TNIK: variants seen among roughly 807,000 people sequenced by gnomAD.
The protein encoded by TNIK is TRAF2 and NCK-interacting protein kinase.
TNIK carries 49 observed loss-of-function variants against 191.3 expected under a neutral mutation model. The observed-to-expected ratio is 0.26, with a 90% confidence interval of 0.20 to 0.32. The LOEUF (loss-of-function observed/expected upper bound fraction) is 0.32. TNIK is among the 10% of genes least tolerant of loss of function. TNIK has a pLI of 1.00. For synonymous variants in TNIK, 594 were observed against 600.9 expected (o/e 0.99, Z 0.17); for missense variants, 1,155 against 1,702.3 (o/e 0.68, Z 5.66).
intron 2 of TNIK, among the ~76,000 whole-genome samples, chr3:171,304,164 T>C (rs1753168486): frequency 6.6e-6 from 1 of 151,502 alleles, no homozygotes; most frequent in South Asian, 2.1e-4. Context: ...CAGATGAGAG[T>C]TGACAAGTGG....
At chr3:171,208,662 A>G (rs1206982204) in intron 4 of TNIK, among the ~76,000 whole-genome samples, 2 of 151,940 alleles carry the variant, frequency 1.3e-5, no homozygotes, top group Middle Eastern at 3.2e-3. Flanking sequence ...AGTTCAAGCA[A>G]TTCTCCTGCC....
chr3:171,363,153 A>G (rs1341192267), intron 2 of TNIK, among the ~76,000 whole-genome samples: 1 of 152,154 alleles, frequency 6.6e-6, no homozygotes, highest in Non-Finnish European at 1.5e-5. Context: ...AGGCTGCTAT[A>G]TATCTTGCAA....
At chr3:171,118,178 C>G (rs1197840308) in intron 18 of TNIK, among the ~76,000 whole-genome samples, 3 of 152,124 alleles carry the variant, frequency 2.0e-5, no homozygotes, top group African/African-American at 7.2e-5. Flanking sequence ...TGAGTGAACT[C>G]CCATTCACAA....
intron 2 of TNIK, among the ~76,000 whole-genome samples, chr3:171,252,803 C>A (rs1030478826): frequency 6.6e-6 from 1 of 152,024 alleles, no homozygotes; most frequent in Non-Finnish European, 1.5e-5. Context: ...GCACTCGGTT[C>A]CTGGTGACAC....
chr3:171,426,157 A>G (rs1162469616), intron 1 of TNIK, among the ~76,000 whole-genome samples: 1 of 152,040 alleles, frequency 6.6e-6, no homozygotes, highest in East Asian at 1.9e-4. Flanking sequence ...AACCAACCCA[A>G]ATGTCCAACA....
intron 2 of TNIK, among the ~76,000 whole-genome samples, chr3:171,313,171 T>C (rs990492456): frequency 1.3e-5 from 2 of 152,308 alleles, no homozygotes; most frequent in Admixed American, 1.3e-4. Context: ...CCTCTAAGGA[T>C]TGCAGCTTGA....
At chr3:171,302,524 C>T (rs546650863) in intron 2 of TNIK, among the ~76,000 whole-genome samples, 54 of 152,264 alleles carry the variant, frequency 3.5e-4, no homozygotes, top group Middle Eastern at 3.4e-3. Context: ...GTACCTGTAT[C>T]CTTGCATTGG....
chr3:171,219,051 T>TA (rs1741879093), intron 3 of TNIK, among the ~76,000 whole-genome samples: 1 of 119,856 alleles, frequency 8.3e-6, no homozygotes, highest in African/African-American at 3.2e-5. Flanking sequence ...AAATTATATT[T>TA]AATATAATAT....
chr3:171,093,695 C>A (rs954932577), intron 23 of TNIK, 144 bp downstream of exon 23: 30 of 1,049,100 alleles, frequency 2.9e-5, no homozygotes, highest in Non-Finnish European at 3.8e-5. Context: ...TAAAATCACT[C>A]AACTATTTGG....
At chr3:171,101,704 T>C in intron 21 of TNIK, 71 bp from the exon 22 acceptor site, 1 of 1,490,768 alleles carries the variant, frequency 6.7e-7, no homozygotes. Context: ...AGCAAGTCAG[T>C]GCTCCAGCTT....
intron 1 of TNIK, among the ~76,000 whole-genome samples, chr3:171,412,538 G>A (rs1214246560): frequency 6.6e-6 from 1 of 152,178 alleles, no homozygotes; most frequent in African/African-American, 2.4e-5. Flanking sequence ...TGCCAGGTGA[G>A]TACTGCGACT....
chr3:171,228,657 A>G (rs1743238482), intron 2 of TNIK, among the ~76,000 whole-genome samples: 1 of 152,230 alleles, frequency 6.6e-6, no homozygotes, highest in Non-Finnish European at 1.5e-5. Context: ...TGATTCTGCT[A>G]TAATTCACCT....
intron 2 of TNIK, among the ~76,000 whole-genome samples, chr3:171,363,444 G>T (rs1022463037): frequency 1.3e-5 from 2 of 152,014 alleles, no homozygotes; most frequent in Non-Finnish European, 2.9e-5. Context: ...AAAGCACAGG[G>T]CTTTTTTCAT....
At position 171,318,676 on chromosome 3, in the gene TNIK, A is replaced by C. The variant is rs1002040437; in HGVS notation, c.123+50944T>G. On this transcript the variant is annotated intron_variant, in intron 2 of 32. Transcript: ENST00000436636. ...TTTTATCCTTTTGCCAAGATATCAA[A>C]ATTTTTTTAATTGAAAAAAAGCAAC... Among the ~76,000 whole-genome samples the C allele has an allele frequency of 2.0e-4, 31 of 152,240 alleles. 1 individual carries two copies. The highest frequency in any genetic ancestry group is 1.6e-3 in the Admixed American group (25 of 15,286).
chr3:171,099,314 C>G (rs981152934), intron 22 of TNIK, among the ~76,000 whole-genome samples: 2 of 151,966 alleles, frequency 1.3e-5, no homozygotes, highest in Non-Finnish European at 2.9e-5. Flanking sequence ...CCACCAAAGT[C>G]AACTTTCTGT....
At chr3:171,205,081 C>T (rs978430741) in intron 4 of TNIK, among the ~76,000 whole-genome samples, 1 of 152,164 alleles carries the variant, frequency 6.6e-6, no homozygotes, top group African/African-American at 2.4e-5. Flanking sequence ...ATATTTCCTA[C>T]CATTGTTCTT....
chr3:171,194,195 T>G (rs1375308712), intron 5 of TNIK, among the ~76,000 whole-genome samples: 4 of 152,224 alleles, frequency 2.6e-5, no homozygotes, highest in Non-Finnish European at 5.9e-5. Context: ...ATTTCCTAAG[T>G]GGAACACTGT....
intron 1 of TNIK, among the ~76,000 whole-genome samples, chr3:171,432,280 A>T (rs1442840379): frequency 1.3e-5 from 2 of 152,248 alleles, no homozygotes; most frequent in African/African-American, 4.8e-5. Flanking sequence ...CAAAAGACGG[A>T]TACAAAAATA....
At chr3:171,237,851 G>C (rs1012267760) in intron 2 of TNIK, among the ~76,000 whole-genome samples, 1 of 152,172 alleles carries the variant, frequency 6.6e-6, no homozygotes, top group African/African-American at 2.4e-5. Flanking sequence ...CCAGGAGTTT[G>C]AGGCTGCAGT....
Sources: gnomAD v4.1 joint callset for allele counts (sites outside exome capture counted in the v4.1 genomes callset) on GRCh38, gnomAD v4.1.1 for gene constraint, MANE v1.5 for transcripts, NCBI Gene and HGNC (gene_info 2026-07-23, HGNC 2026-07-21) for gene names.